Variants in SLC10A7 observed in about 807,000 individuals in gnomAD.
SLC10A7 encodes the protein sodium/bile acid cotransporter 7.
A neutral mutation model predicts 43.2 loss-of-function variants in SLC10A7; 29 were observed. That is an observed-to-expected ratio of 0.67 (90% CI 0.50 to 0.92). The LOEUF is 0.92. Among genes scored for constraint, SLC10A7 ranks in the 40% least tolerant of loss-of-function variants. SLC10A7 has a pLI of 0.00. For missense variants in SLC10A7, 295 were observed against 403.2 expected (o/e 0.73, Z 2.30); for synonymous variants, 152 against 144.8 (o/e 1.05, Z -0.35).
At chr4:146,342,315 C>T (rs1156284072) in intron 5 of SLC10A7, among the ~76,000 whole-genome samples, 2 of 151,456 alleles carry the variant, frequency 1.3e-5, no homozygotes, top group East Asian at 3.9e-4. Flanking sequence ...ACAGTTTTAT[C>T]TGAAATTTAT....
chr4:146,373,432 C>T (rs1487168781), intron 5 of SLC10A7, among the ~76,000 whole-genome samples: 1 of 148,824 alleles, frequency 6.7e-6, no homozygotes, highest in Non-Finnish European at 1.5e-5. Context: ...TATAATTGCA[C>T]CACTACACTC....
chr4:146,278,687 A>G (rs552921478), intron 10 of SLC10A7, among the ~76,000 whole-genome samples: 1 of 152,300 alleles, frequency 6.6e-6, no homozygotes, highest in South Asian at 2.1e-4. Context: ...GTTATTTCAT[A>G]GAGCAGAAAT....
chr4:146,292,855 G>T, intron 9 of SLC10A7, 74 bp downstream of exon 9: 1 of 1,039,122 alleles, frequency 9.6e-7, no homozygotes, highest in Non-Finnish European at 1.4e-6. Flanking sequence ...AACGTGTATA[G>T]TGGCATAGTA....
At chr4:146,519,076 TATATATATATATA>T (rs1738311925) in intron 1 of SLC10A7, among the ~76,000 whole-genome samples, 1 of 19,808 alleles carries the variant, frequency 5.0e-5, no homozygotes, top group Admixed American at 6.2e-4. Context: ...CATATATATA[TATATATATATATA>T]TATATATATA....
intron 6 of SLC10A7, among the ~76,000 whole-genome samples, chr4:146,306,576 C>A (rs1213746236): frequency 6.6e-6 from 1 of 152,060 alleles, no homozygotes; most frequent in Admixed American, 6.6e-5. Flanking sequence ...TAAATTTGTA[C>A]GCTTTAACAC....
intron 5 of SLC10A7, among the ~76,000 whole-genome samples, chr4:146,372,200 T>A (rs1054886484): frequency 6.6e-6 from 1 of 152,090 alleles, no homozygotes; most frequent in Admixed American, 6.6e-5. Flanking sequence ...TTGTCCATAA[T>A]TCTAGCACTC....
chr4:146,381,814 A>AT, intron 5 of SLC10A7, among the ~76,000 whole-genome samples: 1 of 152,060 alleles, frequency 6.6e-6, no homozygotes, highest in East Asian at 1.9e-4. Flanking sequence ...AGCCAGCCAT[A>AT]TTATCAATCA....
At chr4:146,452,753 C>T (rs1456026500) in intron 4 of SLC10A7, among the ~76,000 whole-genome samples, 8 of 152,022 alleles carry the variant, frequency 5.3e-5, no homozygotes, top group South Asian at 2.1e-4. Context: ...TTATACACTA[C>T]GCTCAATATT....
intron 6 of SLC10A7, among the ~76,000 whole-genome samples, chr4:146,311,621 G>T (rs545026140): frequency 1.3e-5 from 2 of 152,296 alleles, no homozygotes; most frequent in East Asian, 3.9e-4. Context: ...AGTTGATACT[G>T]TAGAATTATG....
At chr4:146,486,830 A>G (rs1734959935) in intron 4 of SLC10A7, among the ~76,000 whole-genome samples, 1 of 152,234 alleles carries the variant, frequency 6.6e-6, no homozygotes, top group Non-Finnish European at 1.5e-5. Context: ...TACAACTGCC[A>G]GTGATGCAGG....
chr4:146,287,004 G>C lies in SLC10A7; in HGVS notation c.774-3739C>G, dbSNP rs377237075. 7.7e-3 allele frequency among the ~76,000 whole-genome samples: 1,156 copies of C among 150,928 alleles called. 8 individuals are homozygous for C. Among genetic ancestry groups the C allele is most frequent in the East Asian group, 0.058 (284 of 4,886 alleles). On this transcript the variant is annotated intron_variant, in intron 9 of 11. Transcript: ENST00000335472. Reference sequence around the variant, plus strand: ...GGACTGTGTTTGGAGTGGTGAGAAGGACTGTGTTTGGAGTGGTGAGAAGGA... The same window carrying C: ...GGACTGTGTTTGGAGTGGTGAGAAGCACTGTGTTTGGAGTGGTGAGAAGGA...
intron 6 of SLC10A7, among the ~76,000 whole-genome samples, chr4:146,321,576 A>G (rs1188040305): frequency 1.3e-5 from 2 of 152,128 alleles, no homozygotes; most frequent in African/African-American, 4.8e-5. Context: ...ATTGAGAAAA[A>G]CAGTACACCT....
chr4:146,300,059 T>C (rs57083284), intron 7 of SLC10A7, among the ~76,000 whole-genome samples: 2,603 of 151,576 alleles, frequency 0.017, 70 homozygotes, highest in East Asian at 0.087. Flanking sequence ...AGTGAAGGAG[T>C]TGAGAATAAT....
Position 146,517,136 on chromosome 4 carries a change from A to G in SLC10A7, c.101-16T>C. ...TTCAGTGGTCCTAAAAAGAGAAAAA[A>G]GAGTTATTGCTAGAAAAGAATTTCA... is the stretch of plus-strand genomic sequence containing the variant. On this transcript the variant is annotated splice_polypyrimidine_tract_variant and intron_variant, in intron 1 of 11. Coordinates refer to ENST00000335472, the MANE Select transcript of SLC10A7 (RefSeq NM_001029998.6). 1 of 1,584,304 alleles carries G rather than the reference A, an allele frequency of 6.3e-7. No homozygotes were observed. Among genetic ancestry groups the G allele is most frequent in the Non-Finnish European group, 8.6e-7 (1 of 1,160,976 alleles).
intron 5 of SLC10A7, among the ~76,000 whole-genome samples, chr4:146,335,428 A>C (rs1198227376): frequency 6.6e-6 from 1 of 152,008 alleles, no homozygotes; most frequent in African/African-American, 2.4e-5. Context: ...AGTGGACTGC[A>C]TTCCAGGAAA....
intron 5 of SLC10A7, among the ~76,000 whole-genome samples, chr4:146,372,541 G>C (rs942964107): frequency 2.0e-5 from 3 of 151,436 alleles, no homozygotes; most frequent in Non-Finnish European, 4.4e-5. Flanking sequence ...TCAGAAGTCA[G>C]GTCAATATGT....
chr4:146,322,150 T>A (rs180763914), intron 6 of SLC10A7, among the ~76,000 whole-genome samples: 2 of 152,126 alleles, frequency 1.3e-5, no homozygotes, highest in African/African-American at 4.8e-5. Context: ...AATAAAGTGA[T>A]GCCATAATTT....
At chr4:146,444,286 G>T (rs952395145) in intron 4 of SLC10A7, among the ~76,000 whole-genome samples, 1 of 152,122 alleles carries the variant, frequency 6.6e-6, no homozygotes, top group African/African-American at 2.4e-5. Context: ...GCTTAAAACA[G>T]AATTACTTCC....
chr4:146,512,528 G>C (rs1737578034), intron 2 of SLC10A7, among the ~76,000 whole-genome samples: 1 of 152,124 alleles, frequency 6.6e-6, no homozygotes, highest in Non-Finnish European at 1.5e-5. Flanking sequence ...AAATCTAATT[G>C]GAGTGTTATG....
Sources: gnomAD v4.1 joint callset for allele counts (sites outside exome capture counted in the v4.1 genomes callset) on GRCh38, gnomAD v4.1.1 for gene constraint, MANE v1.5 for transcripts, NCBI Gene and HGNC (gene_info 2026-07-23, HGNC 2026-07-21) for gene names.